Variants in NAV2 observed in about 807,000 individuals in gnomAD.
NAV2 encodes the protein helicase, APC down-regulated 1.
NAV2 carries 54 observed loss-of-function variants against 223.2 expected under a neutral mutation model. The ratio of observed to expected loss-of-function variants is 0.24; its 90% CI spans 0.19 to 0.30. The LOEUF (loss-of-function observed/expected upper bound fraction) is 0.30. Ranked by LOEUF, NAV2 falls within the 10% of genes least tolerant of loss-of-function variation. The probability of loss-of-function intolerance (pLI) is 1.00; values close to 1 mark genes in which losing one functional copy is unlikely to be tolerated. For missense variants in NAV2, 2,806 were observed against 3,147.5 expected, an observed-to-expected ratio of 0.89 and a Z score of 2.60; for synonymous variants, 1,279 against 1,239.3, an observed-to-expected ratio of 1.03 and a Z score of -0.67.
At chr11:19,431,687 G>C (rs1418136823) in intron 1 of NAV2, among the ~76,000 whole-genome samples, 2 of 152,148 alleles carry the variant, frequency 1.3e-5, no homozygotes, top group African/African-American at 2.4e-5. Context: ...CAAATGCCTG[G>C]TGTCGGAAGA....
chr11:19,908,140 A>T (rs2043023531), intron 6 of NAV2, among the ~76,000 whole-genome samples: 1 of 152,246 alleles, frequency 6.6e-6, no homozygotes, highest in South Asian at 2.1e-4. Context: ...AGCCCCTCAG[A>T]TCACCTTCTC....
upstream of NAV2, chr11:19,712,713 G>C (rs1225615033): frequency 1.3e-5 from 2 of 152,114 alleles, no homozygotes; most frequent in African/African-American, 2.4e-5. Context: ...GCGGCGGCCA[G>C]AGTTTAGGCC....
chr11:19,785,748 T>C (rs1590511449), intron 1 of NAV2, among the ~76,000 whole-genome samples: 1 of 151,988 alleles, frequency 6.6e-6, no homozygotes, highest in Admixed American at 6.6e-5. Context: ...GGCATGGTAG[T>C]TTTCATTCCT....
At chr11:19,603,513 G>A (rs2046401348) in intron 1 of NAV2, among the ~76,000 whole-genome samples, 1 of 151,796 alleles carries the variant, frequency 6.6e-6, no homozygotes, top group Non-Finnish European at 1.5e-5. Flanking sequence ...TGTAGTCCCA[G>A]CTACTTGGGA....
At chr11:19,936,511 C>T (rs188993277) in intron 7 of NAV2, among the ~76,000 whole-genome samples, 3 of 152,304 alleles carry the variant, frequency 2.0e-5, no homozygotes, top group Non-Finnish European at 2.9e-5. Flanking sequence ...CCCGTTTTTA[C>T]GTTAATGCCC....
chr11:20,048,238 A>G (rs2057650923), intron 14 of NAV2, among the ~76,000 whole-genome samples: 1 of 152,192 alleles, frequency 6.6e-6, no homozygotes, highest in African/African-American at 2.4e-5. Flanking sequence ...CCAGATCTAA[A>G]TTCATGCTCT....
At chr11:19,447,482 A>G (rs1851626712) in intron 1 of NAV2, among the ~76,000 whole-genome samples, 1 of 152,176 alleles carries the variant, frequency 6.6e-6, no homozygotes, top group African/African-American at 2.4e-5. Flanking sequence ...GCTTAACCTC[A>G]GCTTCCTGCT....
chr11:19,879,853 CTT>C lies in NAV2; in HGVS notation c.512-14_512-13del. On this transcript the variant is annotated splice_polypyrimidine_tract_variant and intron_variant, in intron 4 of 37. Coordinates refer to ENST00000349880, the MANE Select transcript of NAV2 (RefSeq NM_145117.5). ...AGAGCTCCCCATCTGACAAGAGTCT[CTT>C]TATTGTCTTGCAGAGATCAGGAATG... 6.2e-7 allele frequency: 1 copy of C among 1,613,976 alleles called. No homozygotes were observed. Among genetic ancestry groups the C allele is most frequent in the Non-Finnish European group, 8.5e-7 (1 of 1,180,020 alleles).
rs1157878046 is a variant in NAV2, at chr11:19,828,607, GCCT to G, written c.268-3872_268-3870del. Among the ~76,000 whole-genome samples, 3 of 152,372 alleles carry G rather than the reference GCCT, an allele frequency of 2.0e-5. No homozygotes were observed. The East Asian group carries it at 5.8e-4, about 29-fold the overall frequency. ...GGGCTCAGGTGATCCCCCCACGTCA[GCCT>G]CCTCAGTAGCTGTGACTATGGGCAC... On this transcript the variant is annotated intron_variant, in intron 1 of 37. Transcript: ENST00000349880.
chr11:19,546,099 A>G (rs1348374368), intron 1 of NAV2, among the ~76,000 whole-genome samples: 1 of 152,146 alleles, frequency 6.6e-6, no homozygotes, highest in Non-Finnish European at 1.5e-5. Flanking sequence ...TTTTAAAACC[A>G]AGCAGAGTCA....
chr11:19,606,204 T>C (rs2046472384), intron 1 of NAV2, among the ~76,000 whole-genome samples: 1 of 152,220 alleles, frequency 6.6e-6, no homozygotes. Context: ...CTGTGAAGAC[T>C]CTGCAAAGCC....
chr11:20,025,948 G>A (rs2055023199), intron 11 of NAV2, among the ~76,000 whole-genome samples: 1 of 152,208 alleles, frequency 6.6e-6, no homozygotes, highest in African/African-American at 2.4e-5. Flanking sequence ...TATACATGGA[G>A]AGCTGTACTT....
rs369324745 is a variant in NAV2 at position 20,114,641 on chromosome 11, A to G, written c.7010A>G (p.Asp2337Gly). The change falls in exon 37 of 38, where the codon GAC becomes GGC. Residue 2337 changes from aspartate (D) to glycine (G), a missense_variant. Physicochemically the swap from Asp to Gly is moderately conservative, Grantham distance 94. Around this residue, in one of 4 missense-constraint regions of NAV2, gnomAD observed 824 missense variants for 1,069.4 expected, o/e 0.77. Coordinates refer to ENST00000349880, the MANE Select transcript of NAV2 (RefSeq NM_145117.5). ...GAGGATCCTGCCAAGTGGGTGATGGACACATATCCATGGGCAGCCAGCCCA... is the reference window on the plus strand; with the variant it reads ...GAGGATCCTGCCAAGTGGGTGATGGGCACATATCCATGGGCAGCCAGCCCA... ...PWEDPAKWVMDTYPWAASPQQ... is the reference protein window; with the variant it reads ...PWEDPAKWVMGTYPWAASPQQ... 17 of 1,614,028 alleles carry G rather than the reference A, an allele frequency of 1.1e-5. No homozygotes were observed. The highest frequency in any genetic ancestry group is 1.4e-5 in the Non-Finnish European group (16 of 1,180,044).
intron 1 of NAV2, among the ~76,000 whole-genome samples, chr11:19,831,006 C>T (rs754157674): frequency 6.6e-6 from 1 of 151,576 alleles, no homozygotes; most frequent in Non-Finnish European, 1.5e-5. Flanking sequence ...TGTGGGTGCA[C>T]CTTTGCAGTG....
At chr11:19,866,234 A>T (rs977917783) in intron 3 of NAV2, among the ~76,000 whole-genome samples, 6 of 152,200 alleles carry the variant, frequency 3.9e-5, no homozygotes, top group African/African-American at 1.4e-4. Flanking sequence ...TTGTTGTGAG[A>T]AGCTGTACTG....
chr11:19,883,357 T>C (rs531829222), intron 5 of NAV2, among the ~76,000 whole-genome samples: 3 of 152,206 alleles, frequency 2.0e-5, no homozygotes, highest in Non-Finnish European at 4.4e-5. Context: ...CTTCTTCCCC[T>C]TAGCTCATCT....
At chr11:19,807,496 CCAAT>C (rs1329880776) in intron 1 of NAV2, among the ~76,000 whole-genome samples, 2 of 152,228 alleles carry the variant, frequency 1.3e-5, no homozygotes. Context: ...CACACTCTCT[CCAAT>C]GAGACATTTG....
At chr11:19,812,722 A>C (rs921950751) in intron 1 of NAV2, among the ~76,000 whole-genome samples, 1 of 152,100 alleles carries the variant, frequency 6.6e-6, no homozygotes, top group African/African-American at 2.4e-5. Flanking sequence ...TAAACACTGC[A>C]TACCAGAGTT....
chr11:19,726,727 C>T (rs1244320304), intron 1 of NAV2, among the ~76,000 whole-genome samples: 3 of 152,234 alleles, frequency 2.0e-5, no homozygotes, highest in Non-Finnish European at 2.9e-5. Context: ...GTTGTAATGG[C>T]ATCACCTGGA....
Sources: gnomAD v4.1 joint callset for allele counts (sites outside exome capture counted in the v4.1 genomes callset) on GRCh38, gnomAD v4.1.1 for gene constraint, gnomAD v4.1.1 regional missense constraint, MANE v1.5 for transcripts, NCBI Gene and HGNC (gene_info 2026-07-23, HGNC 2026-07-21) for gene names.